Variants in CLASP2 observed in about 807,000 individuals in gnomAD.
CLASP2 encodes cytoplasmic linker associated protein 2, also known as CLIP-associating protein 2.
A neutral mutation model predicts 194.4 loss-of-function variants in CLASP2; 47 were observed. That is an observed-to-expected ratio of 0.24 (90% CI 0.19 to 0.31). The LOEUF (loss-of-function observed/expected upper bound fraction) is 0.31, where lower values mean the gene tolerates loss of function less well. Among genes scored for constraint, CLASP2 ranks in the 10% least tolerant of loss-of-function variants. CLASP2 has a pLI of 1.00. For missense variants in CLASP2, 1,445 were observed against 1,823.6 expected (o/e 0.79, Z 3.78); for synonymous variants, 619 against 633.5 (o/e 0.98, Z 0.34).
intron 7 of CLASP2, among the ~76,000 whole-genome samples, chr3:33,655,760 T>C (rs1414834154): frequency 1.3e-5 from 2 of 152,150 alleles, no homozygotes; most frequent in Non-Finnish European, 2.9e-5. Context: ...TATACACACA[T>C]ACCAAGTTAT....
chr3:33,600,312 C>T (rs774154882), intron 18 of CLASP2, among the ~76,000 whole-genome samples: 3 of 152,024 alleles, frequency 2.0e-5, no homozygotes, highest in East Asian at 1.9e-4. Flanking sequence ...GGAAAAATAT[C>T]CAGTTTTTTA....
At chr3:33,549,487 G>A (rs868537803) in intron 30 of CLASP2, among the ~76,000 whole-genome samples, 5 of 151,660 alleles carry the variant, frequency 3.3e-5, no homozygotes, top group East Asian at 1.9e-4. Context: ...TTTCCTCTTC[G>A]GCCCACTGAC....
intron 22 of CLASP2, among the ~76,000 whole-genome samples, chr3:33,583,458 G>T (rs968770126): frequency 6.6e-6 from 1 of 152,112 alleles, no homozygotes; most frequent in Non-Finnish European, 1.5e-5. Context: ...GGAAGAAATG[G>T]GTTCACAGTA....
intron 37 of CLASP2, among the ~76,000 whole-genome samples, chr3:33,506,668 G>A (rs903989191): frequency 1.3e-5 from 2 of 152,012 alleles, no homozygotes; most frequent in African/African-American, 2.4e-5. Context: ...TCTGTATATG[G>A]TGTGAGGTAG....
At chr3:33,607,210 C>A (rs1340499374) in intron 15 of CLASP2, among the ~76,000 whole-genome samples, 174 bp downstream of exon 15, 1 of 152,128 alleles carries the variant, frequency 6.6e-6, no homozygotes, top group Non-Finnish European at 1.5e-5. Flanking sequence ...TCAGTGGCAA[C>A]ATGTAGGAGG....
At chr3:33,516,511 C>T (rs1559816933) in intron 35 of CLASP2, among the ~76,000 whole-genome samples, 1 of 151,828 alleles carries the variant, frequency 6.6e-6, no homozygotes, top group African/African-American at 2.4e-5. Flanking sequence ...CTACCAAAAA[C>T]ACAAAATTAG....
rs563339669 is a variant in CLASP2 at position 33,545,105 on chromosome 3, G to C, written c.3154-264C>G. 4.0e-5 allele frequency: 10 copies of C among 252,510 alleles called. No homozygotes were observed. In the Admixed American group the frequency reaches 5.3e-4, roughly 13 times the overall value. 15.6% of individuals were successfully genotyped at this position (252,510 alleles called of 1,614,324 possible). On this transcript the variant is annotated intron_variant, in intron 30 of 38. Coordinates refer to ENST00000682230, the MANE Select transcript of CLASP2 (RefSeq NM_001365631.1). ...AGACAATGGAAAAGTTAACCATGAC[G>C]GTTTCCAGGGTTACTCTGTTACATA...
chr3:33,643,757 G>C (rs1464721057), intron 8 of CLASP2, among the ~76,000 whole-genome samples: 3 of 151,772 alleles, frequency 2.0e-5, no homozygotes, highest in African/African-American at 7.2e-5. Flanking sequence ...AAAAAACTGG[G>C]GGTTGTATAG....
At chr3:33,592,758 A>G in intron 20 of CLASP2, 1 of 460,670 alleles carries the variant, frequency 2.2e-6, no homozygotes, top group South Asian at 2.1e-5. Flanking sequence ...TCCAGCAGTT[A>G]CAATTAAGAT....
At chr3:33,573,380 G>T in intron 24 of CLASP2, 26 bp from the exon 25 acceptor site, 1 of 1,608,230 alleles carries the variant, frequency 6.2e-7, no homozygotes, top group African/African-American at 1.3e-5. Flanking sequence ...AATCTCATTA[G>T]CAGTAGCCAA....
Position 33,590,494 on chromosome 3 carries a change from G to A in CLASP2, c.2068+1901C>T, listed in dbSNP as rs142150686. Reference sequence around the variant, plus strand: ...CTGGGCAGCACATATGGAAGCACACGTCTTCTAACTACTATGATATACTGC... The same window carrying A: ...CTGGGCAGCACATATGGAAGCACACATCTTCTAACTACTATGATATACTGC... On this transcript the variant is annotated intron_variant, in intron 21 of 38. Transcript: ENST00000682230. 2.6e-5 allele frequency among the ~76,000 whole-genome samples: 4 copies of A among 152,194 alleles called. No individual in the cohort carries two copies. The East Asian group carries it at 5.8e-4, about 22-fold the overall frequency.
At chr3:33,589,179 A>G (rs2068087437) in intron 21 of CLASP2, among the ~76,000 whole-genome samples, 1 of 152,156 alleles carries the variant, frequency 6.6e-6, no homozygotes, top group African/African-American at 2.4e-5. Flanking sequence ...AAGAAAAACA[A>G]AAGATGGGAG....
chr3:33,658,166 A>G (rs1575354196), intron 7 of CLASP2, among the ~76,000 whole-genome samples: 3 of 152,220 alleles, frequency 2.0e-5, no homozygotes, highest in South Asian at 4.1e-4. Flanking sequence ...GGGACCCTAG[A>G]TTTGGTACTG....
chr3:33,549,654 T>C (rs773692654), intron 30 of CLASP2, among the ~76,000 whole-genome samples: 8 of 152,080 alleles, frequency 5.3e-5, no homozygotes, highest in East Asian at 1.9e-4. Context: ...CCTAGTGTAG[T>C]TGAGAAGAAT....
At chr3:33,641,676 A>G (rs1031613240) in intron 8 of CLASP2, among the ~76,000 whole-genome samples, 5 of 152,130 alleles carry the variant, frequency 3.3e-5, no homozygotes, top group South Asian at 2.1e-4. Context: ...ATCTGGATAT[A>G]TATCTCTAGA....
At chr3:33,659,221 G>C in intron 7 of CLASP2, 1 of 1,310,162 alleles carries the variant, frequency 7.6e-7, no homozygotes, top group Non-Finnish European at 9.7e-7. Flanking sequence ...CAGCCTAGAA[G>C]GACTTGATTA....
At chr3:33,648,292 T>G (rs774805723) in intron 7 of CLASP2, among the ~76,000 whole-genome samples, 6 of 151,974 alleles carry the variant, frequency 3.9e-5, no homozygotes, top group Non-Finnish European at 7.4e-5. Flanking sequence ...CACAAAAAGG[T>G]TAGGGAAAGA....
chr3:33,685,924 G>A (rs904026272), intron 5 of CLASP2, among the ~76,000 whole-genome samples: 1 of 152,048 alleles, frequency 6.6e-6, no homozygotes, highest in Non-Finnish European at 1.5e-5. Context: ...AGATGGTGGT[G>A]ATGGGTGTTG....
chr3:33,665,071 C>T (rs1357336369), intron 6 of CLASP2, among the ~76,000 whole-genome samples: 1 of 151,662 alleles, frequency 6.6e-6, no homozygotes, highest in East Asian at 1.9e-4. Context: ...ACTGCACACT[C>T]CAGCCTGGGT....
Sources: gnomAD v4.1 joint callset for allele counts (sites outside exome capture counted in the v4.1 genomes callset) on GRCh38, gnomAD v4.1.1 for gene constraint, MANE v1.5 for transcripts, NCBI Gene and HGNC (gene_info 2026-07-23, HGNC 2026-07-21) for gene names.